PSCA: variants seen among roughly 807,000 people sequenced by gnomAD.
PSCA encodes the protein prostate stem cell antigen.
Under a neutral mutation model 7.9 loss-of-function variants are expected in PSCA, and 7 were observed. That is an observed-to-expected ratio of 0.89 (90% confidence interval 0.51 to 1.67). The LOEUF (loss-of-function observed/expected upper bound fraction) is 1.67, where lower values mean the gene tolerates loss of function less well. Ranked by LOEUF, PSCA falls within the 40% of genes most tolerant of loss-of-function variation. The probability of loss-of-function intolerance (pLI) is 0.00; values close to 1 mark genes in which losing one functional copy is unlikely to be tolerated. For synonymous variants in PSCA, 61 were observed against 68.3 expected (o/e 0.89, Z 0.53); for missense variants, 151 against 147.9 (o/e 1.02, Z -0.11).
intron 1 of PSCA, among the ~76,000 whole-genome samples, chr8:142,672,880 A>T (rs1554637505): frequency 6.6e-6 from 1 of 152,196 alleles, no homozygotes; most frequent in East Asian, 1.9e-4. Flanking sequence ...TGATGTTTAC[A>T]TATGGCGTGG....
intron 1 of PSCA, among the ~76,000 whole-genome samples, chr8:142,674,231 A>G (rs1587542926): frequency 6.9e-6 from 1 of 145,162 alleles, no homozygotes; most frequent in African/African-American, 2.6e-5. Flanking sequence ...ACGGCTGGGA[A>G]TCGTTTCAGT....
upstream of PSCA, among the ~76,000 whole-genome samples, chr8:142,676,996 C>T (rs1345028196): frequency 6.6e-6 from 1 of 152,166 alleles, no homozygotes; most frequent in Non-Finnish European, 1.5e-5. Context: ...GACAGGGATT[C>T]GCCTGTGACC....
At position 142,674,819 on chromosome 8, in the gene PSCA, C is replaced by A. The variant is rs587687813; in HGVS notation, n.261+4251C>A. On this transcript the variant is annotated intron_variant and non_coding_transcript_variant, in intron 1 of 1. Transcript: ENST00000505305. The stretch of plus-strand genomic sequence containing the variant: ...CAGCCTGCTTCTGCACTGGCTTCCC[C>A]ATCTCCACCCACAGTCAGAGTGGCA... 2.1e-3 allele frequency among the ~76,000 whole-genome samples: 323 copies of A among 152,372 alleles called. 2 individuals are homozygous for A. Among genetic ancestry groups the A allele is most frequent in the African/African-American group, 7.5e-3 (313 of 41,578 alleles).
At position 142,682,270 on chromosome 8, in the gene PSCA, G is replaced by A; in HGVS notation, c.*138G>A. 1 of 1,110,370 alleles carries A rather than the reference G, an allele frequency of 9.0e-7. No homozygotes were observed. Among genetic ancestry groups the A allele is most frequent in the Non-Finnish European group, 1.3e-6 (1 of 758,424 alleles). The allele number at this position is 1,110,370 out of a possible 1,614,324, so 68.8% of individuals were successfully genotyped here. ...AACGCAAGTCTGACCATGTATGTCTGCGCCCCTGTCCCCCACCCTGACCCT... is the reference window on the plus strand; with the variant it reads ...AACGCAAGTCTGACCATGTATGTCTACGCCCCTGTCCCCCACCCTGACCCT... On this transcript the variant is annotated 3_prime_UTR_variant, in exon 3 of 3. Transcript: ENST00000301258.
Position 142,681,915 on chromosome 8 carries a change from C to G in PSCA, c.134-6C>G. ...AGCCCCATCCCCGGATCCCGCTGCT[C>G]CCCAGGCGCAGTTGGCCTCCTGACC... On this transcript the variant is annotated splice_polypyrimidine_tract_variant and splice_region_variant and intron_variant, in intron 2 of 2. Coordinates refer to ENST00000301258, the MANE Select transcript of PSCA (RefSeq NM_005672.5). 1 of 1,524,204 alleles carries G rather than the reference C, an allele frequency of 6.6e-7. No homozygotes were observed. Among genetic ancestry groups the G allele is most frequent in the Non-Finnish European group, 8.8e-7 (1 of 1,130,064 alleles). The allele number at this position is 1,524,204 out of a possible 1,614,324, so 94.4% of individuals were successfully genotyped here. A position where few individuals can be genotyped will look rare whatever the true frequency, so the allele number is the denominator to read the frequency against.
At chr8:142,677,958 G>T (rs1344880571), upstream of PSCA, among the ~76,000 whole-genome samples, 1 of 152,140 alleles carries the variant, frequency 6.6e-6, no homozygotes, top group Non-Finnish European at 1.5e-5. Flanking sequence ...AAGCCCAAAG[G>T]CAGATTCCTG....
chr8:142,677,591 C>A (rs587684763), upstream of PSCA, among the ~76,000 whole-genome samples: 365 of 152,278 alleles, frequency 2.4e-3, 2 homozygotes, highest in African/African-American at 8.5e-3. Flanking sequence ...GCGGGAGTGG[C>A]CAGAGTCCGG....
At chr8:142,672,086 A>G (rs889114143) in intron 1 of PSCA, among the ~76,000 whole-genome samples, 2 of 152,102 alleles carry the variant, frequency 1.3e-5, no homozygotes, top group African/African-American at 4.8e-5. Flanking sequence ...GTGCTAGCCA[A>G]TGTCTCTGCT....
At chr8:142,680,963 C>G (rs1419100655) in intron 1 of PSCA, 2 of 447,654 alleles carry the variant, frequency 4.5e-6, no homozygotes, top group African/African-American at 3.9e-5. Flanking sequence ...GGGTGTCCTG[C>G]GAGGACCCGG....
chr8:142,677,335 GC>G (rs1260441237), upstream of PSCA, among the ~76,000 whole-genome samples: 1 of 152,186 alleles, frequency 6.6e-6, no homozygotes, highest in African/African-American at 2.4e-5. Context: ...CCTGTGTGTT[GC>G]CCCCTCCTTG....
Position 142,681,405 on chromosome 8 carries a change from T to C in PSCA, c.104T>C (p.Leu35Pro). ...DCLQVENCTQ[L>P]GEQCWTARIR... ...CTGCAGGTGGAGAACTGCACCCAGC[T>C]GGGGGAGCAGTGCTGGACCGCGCGC... is the stretch of plus-strand genomic sequence containing the variant. The change falls in exon 2 of 3, where the codon CTG (leucine) becomes CCG (proline). Residue 35 changes from leucine to proline, a missense_variant. By Grantham distance (98) the Leu-to-Pro change is moderately conservative. Coordinates refer to ENST00000301258, the MANE Select transcript of PSCA (RefSeq NM_005672.5). The C allele has an allele frequency of 6.3e-7, 1 of 1,593,688 alleles. No homozygotes were observed. Among genetic ancestry groups the C allele is most frequent in the Non-Finnish European group, 8.5e-7 (1 of 1,170,418 alleles).
At chr8:142,674,170 G>A (rs191749103) in intron 1 of PSCA, among the ~76,000 whole-genome samples, 118 of 140,632 alleles carry the variant, frequency 8.4e-4, no homozygotes, top group Admixed American at 2.3e-3. Flanking sequence ...GCTGGGAATC[G>A]TTTCAGTCTA....
chr8:142,681,852 G>A, intron 2 of PSCA, 69 bp from the exon 3 acceptor site: 1 of 1,145,762 alleles, frequency 8.7e-7, no homozygotes, highest in Non-Finnish European at 1.2e-6. Context: ...GGGACAGGAG[G>A]AGGCCTGGGG....
In PSCA at chr8:142,680,770, G is replaced by C. The variant is rs1847453655; in HGVS notation, c.25+207G>C. ...TGTTCCCTGCCGTCCCCTGTGACCG[G>C]GGCTTGCAGGGGCAGCACGGAGTCA... On this transcript the variant is annotated intron_variant, in intron 1 of 2. Transcript: ENST00000301258. The C allele has an allele frequency of 2.8e-5, 18 of 650,352 alleles. 1 individual carries two copies. The South Asian group carries it at 3.2e-4, about 12-fold the overall frequency. The allele number at this position is 650,352 out of a possible 1,614,324, so 40.3% of individuals were successfully genotyped here. A position where few individuals can be genotyped will look rare whatever the true frequency, so the allele number is the denominator to read the frequency against.
upstream of PSCA, among the ~76,000 whole-genome samples, chr8:142,677,596 G>C (rs889407866): frequency 2.0e-5 from 3 of 152,192 alleles, no homozygotes; most frequent in African/African-American, 4.8e-5. Flanking sequence ...AGTGGCCAGA[G>C]TCCGGGCGAG....
At position 142,681,449 on chromosome 8, in the gene PSCA, G is replaced by A. The variant is rs782006854; in HGVS notation, c.133+15G>A. On this transcript the variant is annotated intron_variant, in intron 2 of 2. Coordinates refer to ENST00000301258, the MANE Select transcript of PSCA (RefSeq NM_005672.5). ...CGCGCGCATCCGTGAGTGGGGGGAC[G>A]ACAGCCGCCAGGCCTAGGTCTCTGC... 1.4e-5 allele frequency: 22 copies of A among 1,572,472 alleles called. No individual in the cohort carries two copies. The highest frequency in any genetic ancestry group is 5.4e-5 in the African/African-American group (4 of 73,910).
At chr8:142,676,578 C>T (rs587642307), upstream of PSCA, 3 of 152,278 alleles carry the variant, frequency 2.0e-5, no homozygotes, top group South Asian at 6.2e-4. Context: ...TGGGGCTCCC[C>T]CAGGTGCTCC....
chr8:142,673,610 C>G lies in PSCA; in HGVS notation n.261+3042C>G, dbSNP rs1587542513. Among the ~76,000 whole-genome samples, 1 of 152,308 alleles carries G rather than the reference C, an allele frequency of 6.6e-6. No homozygotes were observed. The highest frequency in any genetic ancestry group is 2.1e-4 in the South Asian group (1 of 4,828). The stretch of plus-strand genomic sequence containing the variant: ...TTTATCATCACTCAAATCAGCCTCT[C>G]AGAAAATTCGGACGCTAGGGTTTTT... On this transcript the variant is annotated intron_variant and non_coding_transcript_variant, in intron 1 of 1. Coordinates refer to the PSCA transcript ENST00000505305. This position sits in a 1 kb window ranked among gnomAD's most constrained non-coding sequence, Gnocchi z 4.6.
At chr8:142,671,063 CAA>C (rs1206407029) in intron 1 of PSCA, among the ~76,000 whole-genome samples, 14 of 152,208 alleles carry the variant, frequency 9.2e-5, no homozygotes, top group East Asian at 1.9e-4. Flanking sequence ...GGAATAGTGA[CAA>C]GAGAAAAATT....
Sources: allele counts gnomAD v4.1 joint callset (sites outside exome capture counted in the v4.1 genomes callset), GRCh38; gene constraint gnomAD v4.1.1; non-coding constraint Gnocchi (gnomAD v3.1); transcripts MANE v1.5; gene names NCBI Gene and HGNC (gene_info 2026-07-23, HGNC 2026-07-21).